MARCHF5: variants seen among roughly 807,000 people sequenced by gnomAD.
MARCHF5 encodes the protein E3 ubiquitin-protein ligase MARCHF5.
A neutral mutation model predicts 36.5 loss-of-function variants in MARCHF5; 5 were observed. The observed-to-expected ratio is 0.14, with a 90% CI of 0.07 to 0.29. The LOEUF (loss-of-function observed/expected upper bound fraction) is 0.29, where lower values mean the gene tolerates loss of function less well. Among genes scored for constraint, MARCHF5 ranks in the 10% least tolerant of loss-of-function variants. MARCHF5 has a pLI of 1.00. For synonymous variants in MARCHF5, 103 were observed against 109.9 expected (o/e 0.94, Z 0.39); for missense variants, 179 against 336.3 (o/e 0.53, Z 3.66).
At position 92,316,728 on chromosome 10, in the gene MARCHF5, A is replaced by AT. The variant is rs1843214964; in HGVS notation, c.238+5391_238+5392insT. ...CAGGCACGTGCCACCACACCCAGCTAATTTTTTTTTTCTTTTTAGAGAGGG... is the reference window on the plus strand; with the variant it reads ...CAGGCACGTGCCACCACACCCAGCTATATTTTTTTTTTCTTTTTAGAGAGGG... On this transcript the variant is annotated intron_variant, in intron 2 of 5. Coordinates refer to ENST00000358935, the MANE Select transcript of MARCHF5 (RefSeq NM_017824.5). 6.2e-5 allele frequency among the ~76,000 whole-genome samples: 8 copies of AT among 128,434 alleles called. No individual in the cohort carries two copies. In the South Asian group the frequency reaches 1.9e-3, roughly 30 times the overall value. 84.3% of individuals were successfully genotyped at this position (128,434 alleles called of 152,430 possible).
intron 2 of MARCHF5, among the ~76,000 whole-genome samples, chr10:92,327,289 TG>T (rs1843374529): frequency 6.6e-6 from 1 of 151,530 alleles, no homozygotes; most frequent in Non-Finnish European, 1.5e-5. Flanking sequence ...GATACCATTT[TG>T]TATTCATATA....
chr10:92,353,765 CT>C lies in MARCHF5; in HGVS notation c.*2560del, dbSNP rs1459345647. ...TACTAGAATTCTTTTCAAAAGTTAA[CT>C]TATCTCCAAAGTGGCTGAAAATATT... On this transcript the variant is annotated 3_prime_UTR_variant, in exon 6 of 6. Transcript: ENST00000358935. 6.6e-6 allele frequency: 1 copy of C among 152,408 alleles called. No individual in the cohort carries two copies. Among genetic ancestry groups the C allele is most frequent in the African/African-American group, 2.4e-5 (1 of 41,378 alleles). 9.4% of individuals were successfully genotyped at this position (152,408 alleles called of 1,614,324 possible).
Position 92,352,811 on chromosome 10 carries a change from C to T in MARCHF5, c.*1604C>T, listed in dbSNP as rs922261002. On this transcript the variant is annotated 3_prime_UTR_variant, in exon 6 of 6. Transcript: ENST00000358935. ...GATGAAGATTTGACTAACAGTGAGC[C>T]TTATTAAGAACACTACTACAGTTCT... The T allele has an allele frequency of 6.6e-6, 1 of 152,442 alleles. No homozygotes were observed. Among genetic ancestry groups the T allele is most frequent in the South Asian group, 2.1e-4 (1 of 4,810 alleles). 9.4% of individuals were successfully genotyped at this position (152,442 alleles called of 1,614,324 possible).
intron 1 of MARCHF5, among the ~76,000 whole-genome samples, chr10:92,301,832 G>A (rs1402234412): frequency 6.6e-6 from 1 of 152,230 alleles, no homozygotes; most frequent in Admixed American, 6.5e-5. Flanking sequence ...CCTGAGGCAG[G>A]CGGATCATCT....
chr10:92,341,780 CTTTTTTTTTTTTT>C (rs71025395), intron 3 of MARCHF5, among the ~76,000 whole-genome samples: 1 of 77,392 alleles, frequency 1.3e-5, no homozygotes, highest in Admixed American at 1.6e-4. Context: ...AGTTTACATC[CTTTTTTTTTTTTT>C]TTTTTTTTTT....
intron 2 of MARCHF5, among the ~76,000 whole-genome samples, chr10:92,331,922 TATATATGTATATATAATC>T (rs1564951018): frequency 4.2e-5 from 6 of 144,390 alleles, no homozygotes; most frequent in Non-Finnish European, 7.5e-5. Flanking sequence ...TATATAATCA[TATATATGTATATATAATC>T]GTATATATAT....
At position 92,353,508 on chromosome 10, in the gene MARCHF5, A is replaced by G. The variant is rs372618701; in HGVS notation, c.*2301A>G. 5.3e-5 allele frequency: 8 copies of G among 152,346 alleles called. 1 individual carries two copies. In the East Asian group the frequency reaches 5.8e-4, roughly 11 times the overall value. The allele number at this position is 152,346 out of a possible 1,614,324, so 9.4% of individuals were successfully genotyped here. A position where few individuals can be genotyped will look rare whatever the true frequency, so the allele number is the denominator to read the frequency against. On this transcript the variant is annotated 3_prime_UTR_variant, in exon 6 of 6. Coordinates refer to ENST00000358935, the MANE Select transcript of MARCHF5 (RefSeq NM_017824.5). ...AGGAACAGCAGCACTTAGGCTCAAA[A>G]TCGCCCCTACAAAGCAGTAGTTGTT...
At chr10:92,345,690 T>A (rs902981504) in intron 3 of MARCHF5, among the ~76,000 whole-genome samples, 2 of 129,036 alleles carry the variant, frequency 1.5e-5, no homozygotes, top group Non-Finnish European at 3.5e-5. Context: ...TTCTCTTTTT[T>A]TTTTTTCTTT....
intron 2 of MARCHF5, among the ~76,000 whole-genome samples, chr10:92,326,783 G>T (rs1379477330): frequency 1.4e-5 from 2 of 142,074 alleles, no homozygotes; most frequent in Non-Finnish European, 3.1e-5. Flanking sequence ...CTCATAAGCA[G>T]TTTTTTTTTT....
chr10:92,304,360 G>C (rs948866431), intron 1 of MARCHF5, among the ~76,000 whole-genome samples: 1 of 152,146 alleles, frequency 6.6e-6, no homozygotes, highest in South Asian at 2.1e-4. Flanking sequence ...TACAATAGGG[G>C]ACCTTAACAT....
chr10:92,339,669 CA>C (rs60607021), intron 2 of MARCHF5, among the ~76,000 whole-genome samples: 7 of 149,424 alleles, frequency 4.7e-5, no homozygotes, highest in East Asian at 3.9e-4. Flanking sequence ...GACTCCATCT[CA>C]AAAAAAAATA....
chr10:92,331,085 GA>G (rs1843430151), intron 2 of MARCHF5, among the ~76,000 whole-genome samples: 1 of 151,398 alleles, frequency 6.6e-6, no homozygotes, highest in Non-Finnish European at 1.5e-5. Context: ...TGGAAAATGT[GA>G]AAAATATACA....
rs1032406369 is a variant in MARCHF5 at position 92,352,357 on chromosome 10, A to T, written c.*1150A>T. On this transcript the variant is annotated 3_prime_UTR_variant, in exon 6 of 6. Coordinates refer to ENST00000358935, the MANE Select transcript of MARCHF5 (RefSeq NM_017824.5). ...ATTGTTTTTGGCTTAAGTTTATTAT[A>T]GAAAATCAACACTAATGTTTTTAGA... The T allele has an allele frequency of 1.3e-5, 2 of 152,250 alleles. No homozygotes were observed. Among genetic ancestry groups the T allele is most frequent in the African/African-American group, 4.8e-5 (2 of 41,472 alleles). 9.4% of individuals were successfully genotyped at this position (152,250 alleles called of 1,614,324 possible). A position where few individuals can be genotyped will look rare whatever the true frequency, so the allele number is the denominator to read the frequency against.
At chr10:92,311,108 G>A in intron 1 of MARCHF5, 27 bp from the exon 2 acceptor site, 2 of 1,584,336 alleles carry the variant, frequency 1.3e-6, no homozygotes, top group South Asian at 2.2e-5. Context: ...AGATATAAAT[G>A]TCATCCTTTT....
At chr10:92,326,062 G>A (rs182598147) in intron 2 of MARCHF5, among the ~76,000 whole-genome samples, 1 of 152,288 alleles carries the variant, frequency 6.6e-6, no homozygotes, top group East Asian at 1.9e-4. Context: ...TCCTCAAAAA[G>A]TGGTTGTCAA....
chr10:92,304,659 A>G (rs1211613436), intron 1 of MARCHF5, among the ~76,000 whole-genome samples: 1 of 152,192 alleles, frequency 6.6e-6, no homozygotes, highest in Non-Finnish European at 1.5e-5. Context: ...TCTGGTTGCT[A>G]TACTCATTTC....
intron 2 of MARCHF5, among the ~76,000 whole-genome samples, chr10:92,312,324 T>C: frequency 6.6e-6 from 1 of 152,228 alleles, no homozygotes; most frequent in Non-Finnish European, 1.5e-5. Flanking sequence ...ATGTCCTTGG[T>C]TCTCTGTTTT....
chr10:92,295,928 G>A (rs778086622), intron 1 of MARCHF5, among the ~76,000 whole-genome samples: 1 of 150,380 alleles, frequency 6.6e-6, no homozygotes, highest in Non-Finnish European at 1.5e-5. Flanking sequence ...GCTGCTGGAG[G>A]GCAGTGGCGC....
At chr10:92,307,957 T>C (rs1280266837) in intron 1 of MARCHF5, among the ~76,000 whole-genome samples, 1 of 151,292 alleles carries the variant, frequency 6.6e-6, no homozygotes, top group Non-Finnish European at 1.5e-5. Context: ...TTTTTTTTTT[T>C]TGAGATGGAG....
Sources: gnomAD v4.1 joint callset for allele counts (sites outside exome capture counted in the v4.1 genomes callset) on GRCh38, gnomAD v4.1.1 for gene constraint, MANE v1.5 for transcripts, NCBI Gene and HGNC (gene_info 2026-07-23, HGNC 2026-07-21) for gene names.